MPDZ: variants seen among roughly 807,000 people sequenced by gnomAD.
MPDZ encodes the protein multiple PDZ domain crumbs cell polarity complex component.
Under a neutral mutation model 239.1 loss-of-function variants are expected in MPDZ, and 234 were observed. That is an observed-to-expected ratio of 0.98 (90% CI 0.88 to 1.09). The LOEUF (loss-of-function observed/expected upper bound fraction) is 1.09. Ranked by LOEUF, MPDZ falls within the 50% of genes least tolerant of loss-of-function variation. The pLI is 0.00. For missense variants in MPDZ, 3,175 were observed against 2,510.0 expected (o/e 1.26, Z -5.66); for synonymous variants, 1,048 against 881.3 (o/e 1.19, Z -3.35).
chr9:13,192,644 T>TA (rs145640097), intron 14 of MPDZ, among the ~76,000 whole-genome samples: 364 of 148,712 alleles, frequency 2.4e-3, no homozygotes, highest in Non-Finnish European at 3.4e-3. Context: ...AATTATAAAG[T>TA]AAAAAAAAAA....
At chr9:13,241,388 T>A (rs1271159347) in intron 3 of MPDZ, among the ~76,000 whole-genome samples, 2 of 152,316 alleles carry the variant, frequency 1.3e-5, no homozygotes, top group South Asian at 2.1e-4. Flanking sequence ...ACTCCATTTT[T>A]AAATAATTCT....
At chr9:13,139,384 T>C (rs915448918) in intron 28 of MPDZ, among the ~76,000 whole-genome samples, 1 of 152,206 alleles carries the variant, frequency 6.6e-6, no homozygotes, top group Non-Finnish European at 1.5e-5. Context: ...TTGGTCCTAA[T>C]AACAGCTGCC....
At chr9:13,230,661 G>T (rs949548758) in intron 3 of MPDZ, among the ~76,000 whole-genome samples, 1 of 152,136 alleles carries the variant, frequency 6.6e-6, no homozygotes, top group African/African-American at 2.4e-5. Flanking sequence ...TAGAATAAGG[G>T]AGATATTTGT....
intron 1 of MPDZ, among the ~76,000 whole-genome samples, chr9:13,256,011 G>T (rs765567194): frequency 1.8e-4 from 28 of 152,296 alleles, no homozygotes; most frequent in African/African-American, 6.5e-4. Flanking sequence ...GTTGTTTAGT[G>T]CAGCCACCTT....
intron 26 of MPDZ, among the ~76,000 whole-genome samples, chr9:13,144,649 A>G (rs147198913): frequency 6.6e-6 from 1 of 152,202 alleles, no homozygotes; most frequent in African/African-American, 2.4e-5. Context: ...CACTCTGGAA[A>G]GACTCTATCC....
rs571917715 is a variant in MPDZ at position 13,215,880 on chromosome 9, A to C, written c.1290+894T>G. 7.5e-4 allele frequency among the ~76,000 whole-genome samples: 103 copies of C among 137,396 alleles called. 1 individual carries two copies. The highest frequency in any genetic ancestry group is 2.7e-3 in the African/African-American group (99 of 36,654). 90.1% of individuals were successfully genotyped at this position (137,396 alleles called of 152,430 possible). ...ACTCCCAGACTCAAGGAATCCTCCC[A>C]CCTTGGCCTCCCAAGTAGCTAGGAC... On this transcript the variant is annotated intron_variant, in intron 10 of 46. Coordinates refer to ENST00000319217, the MANE Select transcript of MPDZ (RefSeq NM_001378778.1).
At chr9:13,130,559 C>T (rs1945831978) in intron 32 of MPDZ, among the ~76,000 whole-genome samples, 1 of 152,192 alleles carries the variant, frequency 6.6e-6, no homozygotes, top group Non-Finnish European at 1.5e-5. Context: ...ATACCCACAT[C>T]AAAGTTCATC....
intron 10 of MPDZ, among the ~76,000 whole-genome samples, chr9:13,214,445 G>C (rs146785272): frequency 1.0e-3 from 156 of 151,890 alleles, no homozygotes; most frequent in African/African-American, 3.7e-3. Flanking sequence ...ACTGCTAAGG[G>C]GTACTGAAAA....
At chr9:13,215,096 A>C (rs1289498121) in intron 10 of MPDZ, among the ~76,000 whole-genome samples, 1 of 151,948 alleles carries the variant, frequency 6.6e-6, no homozygotes, top group Non-Finnish European at 1.5e-5. Flanking sequence ...GCAGAACTGC[A>C]GAAATATACC....
intron 1 of MPDZ, among the ~76,000 whole-genome samples, chr9:13,264,422 T>A (rs1320053501): frequency 1.3e-5 from 2 of 152,124 alleles, no homozygotes; most frequent in East Asian, 3.9e-4. Context: ...AAGTTAATTT[T>A]AAAGTTGAAA....
Position 13,168,371 on chromosome 9 carries a change from G to C in MPDZ, c.3249C>G (p.Asp1083Glu). 6.2e-7 allele frequency: 1 copy of C among 1,611,886 alleles called. No homozygotes were observed. Among genetic ancestry groups the C allele is most frequent in the Non-Finnish European group, 8.5e-7 (1 of 1,178,756 alleles). Residue 1083 changes from aspartate to glutamate, a missense_variant, in exon 22 of 47, where the codon GAC becomes GAG. Transcript: ENST00000319217. ...GGGCTTCAAATGATACTTACTTTATGTCAGGGCCAATGAGAGAATGTCTTC... is the reference window on the plus strand; with the variant it reads ...GGGCTTCAAATGATACTTACTTTATCTCAGGGCCAATGAGAGAATGTCTTC... ...MLRRHSLIGP[D>E]IKITYVPAEH...
intron 39 of MPDZ, among the ~76,000 whole-genome samples, chr9:13,117,505 T>C (rs1943655426): frequency 1.4e-5 from 2 of 146,440 alleles, no homozygotes; most frequent in Non-Finnish European, 3.0e-5. Flanking sequence ...CACTCCAGCC[T>C]GGGCAACAGA....
intron 36 of MPDZ, among the ~76,000 whole-genome samples, chr9:13,122,844 C>G (rs751883255): frequency 1.3e-5 from 2 of 152,178 alleles, no homozygotes; most frequent in Middle Eastern, 3.4e-3. Context: ...GGGTTTAACC[C>G]AACCTGGATA....
chr9:13,181,965 A>G (rs1399356236), intron 19 of MPDZ, among the ~76,000 whole-genome samples: 1 of 152,060 alleles, frequency 6.6e-6, no homozygotes, highest in Admixed American at 6.6e-5. Flanking sequence ...GTGGTGAGAG[A>G]GGAGCAGCTG....
chr9:13,160,007 T>C (rs374344234), intron 23 of MPDZ, among the ~76,000 whole-genome samples: 10 of 152,270 alleles, frequency 6.6e-5, no homozygotes, highest in South Asian at 4.1e-4. Context: ...TCTGCAAATA[T>C]GTACCAGGTA....
intron 5 of MPDZ, among the ~76,000 whole-genome samples, chr9:13,223,196 G>T (rs1057123905): frequency 1.3e-5 from 2 of 151,782 alleles, no homozygotes; most frequent in African/African-American, 4.8e-5. Context: ...TGGATACTGA[G>T]GGGCAACTAT....
At chr9:13,164,224 GCTA>G (rs1219661957) in intron 22 of MPDZ, among the ~76,000 whole-genome samples, 1 of 152,120 alleles carries the variant, frequency 6.6e-6, no homozygotes, top group Non-Finnish European at 1.5e-5. Context: ...TTAAGACTAG[GCTA>G]GCTGAAAAAG....
chr9:13,253,653 T>G (rs1050982727), intron 1 of MPDZ, among the ~76,000 whole-genome samples: 2 of 152,218 alleles, frequency 1.3e-5, no homozygotes, highest in African/African-American at 2.4e-5. Flanking sequence ...TGGCATGACT[T>G]AAAGAAGATC....
At chr9:13,114,165 T>A in intron 40 of MPDZ, 144 bp from the exon 41 acceptor site, 1 of 690,232 alleles carries the variant, frequency 1.4e-6, no homozygotes. Context: ...TAAACACAGT[T>A]CCTACTGATT....
Sources: allele counts gnomAD v4.1 joint callset (sites outside exome capture counted in the v4.1 genomes callset), GRCh38; gene constraint gnomAD v4.1.1; transcripts MANE v1.5; gene names NCBI Gene and HGNC (gene_info 2026-07-23, HGNC 2026-07-21).